The following IKZF2 variants were observed in gnomAD, a reference collection of about 807,000 sequenced individuals.
The protein encoded by IKZF2 is IKAROS family zinc finger 2.
In IKZF2, 15 loss-of-function variants were observed where a neutral mutation model predicts 49.2. The observed-to-expected ratio is 0.30, with a 90% CI of 0.20 to 0.47. The LOEUF is 0.47. IKZF2 is among the 20% of genes least tolerant of loss of function. IKZF2 has a pLI of 1.00. For synonymous variants in IKZF2, 227 were observed against 221.4 expected, an observed-to-expected ratio of 1.03 and a Z score of -0.23; for missense variants, 567 against 664.6, an observed-to-expected ratio of 0.85 and a Z score of 1.61.
chr2:213,016,103 A>G (rs972051389), intron 7 of IKZF2, among the ~76,000 whole-genome samples: 3 of 152,108 alleles, frequency 2.0e-5, no homozygotes, highest in Non-Finnish European at 4.4e-5. Flanking sequence ...CATGTCAAAA[A>G]TTGATCTTGT....
Position 213,077,810 on chromosome 2 carries a change from G to A in IKZF2, c.140-20711C>T, listed in dbSNP as rs549512948. 7.0e-3 allele frequency among the ~76,000 whole-genome samples: 1,069 copies of A among 151,980 alleles called. 10 individuals are homozygous for A. Among genetic ancestry groups the A allele is most frequent in the African/African-American group, 0.024 (1,011 of 41,468 alleles). ...TCACCGTGTTAGCCAGGATGGTCTC[G>A]ATCTCCTGACCTCGTGATCCACCCT... is the stretch of plus-strand genomic sequence containing the variant. On this transcript the variant is annotated intron_variant, in intron 4 of 8. Coordinates refer to ENST00000434687, the MANE Select transcript of IKZF2 (RefSeq NM_001387220.1).
upstream of IKZF2, chr2:213,151,728 G>T: frequency 6.8e-6 from 1 of 146,190 alleles, no homozygotes; most frequent in South Asian, 1.9e-4. Context: ...CGGCGGCTGC[G>T]GCGGCGGCGG....
intron 6 of IKZF2, among the ~76,000 whole-genome samples, chr2:213,037,528 A>G (rs1304073227): frequency 1.3e-5 from 2 of 152,232 alleles, no homozygotes; most frequent in Non-Finnish European, 2.9e-5. Flanking sequence ...GCTGTCTTAC[A>G]GCCGGCCTGA....
chr2:213,042,994 G>A (rs1257969602), intron 6 of IKZF2, among the ~76,000 whole-genome samples: 1 of 151,882 alleles, frequency 6.6e-6, no homozygotes, highest in Non-Finnish European at 1.5e-5. Context: ...TTTTATTAAA[G>A]AAACCATGGA....
intron 4 of IKZF2, among the ~76,000 whole-genome samples, chr2:213,093,205 T>C (rs922883013): frequency 6.6e-6 from 1 of 152,136 alleles, no homozygotes; most frequent in Admixed American, 6.6e-5. Context: ...TAGTTGTTTG[T>C]TGCTTTTAGG....
chr2:213,078,306 C>T (rs13417355), intron 4 of IKZF2, among the ~76,000 whole-genome samples: 67,073 of 151,964 alleles, frequency 0.44, 16,072 homozygotes, highest in African/African-American at 0.59. Flanking sequence ...CTTTTCTTAA[C>T]ATTAAATTAG....
intron 4 of IKZF2, among the ~76,000 whole-genome samples, chr2:213,104,102 T>C (rs1345596598): frequency 2.6e-5 from 4 of 152,074 alleles, no homozygotes. Flanking sequence ...GACCTCCATG[T>C]CTAGAGGTAT....
At position 213,145,189 on chromosome 2, in the gene IKZF2, T is replaced by A. The variant is rs772685618; in HGVS notation, c.139+2519A>T. On this transcript the variant is annotated intron_variant, in intron 4 of 8. Coordinates refer to ENST00000434687, the MANE Select transcript of IKZF2 (RefSeq NM_001387220.1). ...TGTTTTACTAAAAAAAAAAAAAAAA[T>A]TTACTTATTTTATTTTTTTAACTGT... Among the ~76,000 whole-genome samples the A allele has an allele frequency of 2.3e-3, 334 of 146,644 alleles. 2 individuals carry two copies. Among genetic ancestry groups the A allele is most frequent in the Middle Eastern group, 6.9e-3 (2 of 288 alleles).
chr2:213,124,248 G>GCT (rs1395790655), intron 4 of IKZF2, among the ~76,000 whole-genome samples: 1 of 115,494 alleles, frequency 8.7e-6, no homozygotes, highest in African/African-American at 3.8e-5. Context: ...GCTCGCGCGC[G>GCT]CGCGCACACA....
intron 6 of IKZF2, among the ~76,000 whole-genome samples, chr2:213,040,401 C>G (rs999178619): frequency 2.6e-5 from 4 of 152,004 alleles, no homozygotes; most frequent in Admixed American, 6.6e-5. Flanking sequence ...TCTTACTCAT[C>G]ATTTTTCTCT....
intron 4 of IKZF2, among the ~76,000 whole-genome samples, chr2:213,079,709 A>C (rs1703722874): frequency 6.6e-6 from 1 of 152,198 alleles, no homozygotes; most frequent in Non-Finnish European, 1.5e-5. Context: ...TATGATTAAA[A>C]TAGGCAAAGC....
chr2:213,078,507 CT>C (rs759351383), intron 4 of IKZF2, among the ~76,000 whole-genome samples: 21 of 152,278 alleles, frequency 1.4e-4, no homozygotes, highest in Admixed American at 3.9e-4. Context: ...GAAGTAGGTG[CT>C]ATTATTATCC....
chr2:213,065,745 G>A (rs1253412458), intron 4 of IKZF2, among the ~76,000 whole-genome samples: 1 of 152,024 alleles, frequency 6.6e-6, no homozygotes, highest in Non-Finnish European at 1.5e-5. Context: ...GAGAGTCAGA[G>A]CTGTGACTGG....
At chr2:213,024,453 T>C (rs1574518521) in intron 6 of IKZF2, among the ~76,000 whole-genome samples, 2 of 152,126 alleles carry the variant, frequency 1.3e-5, no homozygotes, top group South Asian at 4.1e-4. Context: ...ATTTAAAAAA[T>C]ACACAAGCAA....
In IKZF2 at chr2:213,007,657, G is replaced by C. The variant is rs757971602; in HGVS notation, c.1284C>G (p.Pro428=). ...QSYQGHPALN[P]KRKQSPAYMK... ...TGTAAGCTGGGCTTTGTTTCCTCTT[G>C]GGATTTAAGGCAGGGTGTCCTTGGT... The change falls in exon 9 of 9, where the codon CCC becomes CCG. Residue 428 remains proline (P), a synonymous_variant. Transcript: ENST00000434687. 6.2e-7 allele frequency: 1 copy of C among 1,613,658 alleles called. No homozygotes were observed. The highest frequency in any genetic ancestry group is 8.5e-7 in the Non-Finnish European group (1 of 1,179,728).
intron 6 of IKZF2, among the ~76,000 whole-genome samples, chr2:213,041,905 A>G (rs1699702137): frequency 6.6e-6 from 1 of 152,136 alleles, no homozygotes; most frequent in Non-Finnish European, 1.5e-5. Context: ...AAACAAACAA[A>G]CAAAAAGAAG....
chr2:213,068,869 T>C (rs1292050976), intron 4 of IKZF2, among the ~76,000 whole-genome samples: 2 of 151,510 alleles, frequency 1.3e-5, no homozygotes, highest in African/African-American at 4.9e-5. Context: ...CATCCCCATG[T>C]GTTTCCTTCA....
intron 4 of IKZF2, among the ~76,000 whole-genome samples, chr2:213,132,135 A>T (rs530710240): frequency 1.6e-4 from 25 of 152,286 alleles, no homozygotes; most frequent in African/African-American, 5.5e-4. Flanking sequence ...AAAACACAGC[A>T]TAGGAAAGAT....
intron 4 of IKZF2, among the ~76,000 whole-genome samples, chr2:213,074,826 C>A (rs896697088): frequency 6.6e-6 from 1 of 152,102 alleles, no homozygotes; most frequent in Non-Finnish European, 1.5e-5. Context: ...AAATTTGATT[C>A]ATCAAACCTT....
Sources: allele counts gnomAD v4.1 joint callset (sites outside exome capture counted in the v4.1 genomes callset), GRCh38; gene constraint gnomAD v4.1.1; transcripts MANE v1.5; gene names NCBI Gene and HGNC (gene_info 2026-07-23, HGNC 2026-07-21).